Variants in STRA8 observed in about 807,000 individuals in gnomAD.
STRA8 encodes stimulated by retinoic acid 8.
A neutral mutation model predicts 37.1 loss-of-function variants in STRA8; 18 were observed. The ratio of observed to expected loss-of-function variants is 0.48; its 90% CI spans 0.34 to 0.72. The LOEUF (loss-of-function observed/expected upper bound fraction) is 0.72. Ranked by LOEUF, STRA8 falls within the 30% of genes least tolerant of loss-of-function variation. The probability of loss-of-function intolerance (pLI) is 0.01; values close to 1 mark genes in which losing one functional copy is unlikely to be tolerated. For missense variants in STRA8, 357 were observed against 410.4 expected (o/e 0.87, Z 1.13); for synonymous variants, 168 against 162.9 (o/e 1.03, Z -0.24).
Position 135,245,447 on chromosome 7 carries a change from A to AGAG in STRA8, c.525_527dup (p.Glu178dup), listed in dbSNP as rs1832535646. On this transcript the variant is annotated inframe_insertion, in exon 5 of 9. Transcript: ENST00000662584. ...AGGAGGAGGAAGAGGAGGAAGAGGA[A>AGAG]GAGGAGGAGGAGGAAGAGGAGAAAA... is the stretch of plus-strand genomic sequence containing the variant. 2.7e-6 allele frequency: 2 copies of AGAG among 744,664 alleles called. No individual in the cohort carries two copies. The highest frequency in any genetic ancestry group is 3.7e-5 in the Admixed American group (2 of 54,296). 46.1% of individuals were successfully genotyped at this position (744,664 alleles called of 1,614,324 possible). A position where few individuals can be genotyped will look rare whatever the true frequency, so the allele number is the denominator to read the frequency against.
At position 135,258,567 on chromosome 7, in the gene STRA8, T is replaced by A; in HGVS notation, c.*75T>A. The stretch of plus-strand genomic sequence containing the variant: ...CAAGGTTGAATGCTGGCAGCTAAGG[T>A]TGCACCTGCCTTGGCCTCCAGGACT... On this transcript the variant is annotated 3_prime_UTR_variant, in exon 9 of 9. Transcript: ENST00000662584. The A allele has an allele frequency of 1.5e-6, 2 of 1,320,200 alleles. 1 individual carries two copies. The highest frequency in any genetic ancestry group is 2.1e-6 in the Non-Finnish European group (2 of 942,716). The allele number at this position is 1,320,200 out of a possible 1,614,324, so 81.8% of individuals were successfully genotyped here.
At chr7:135,244,943 G>GT (rs943814021) in intron 4 of STRA8, among the ~76,000 whole-genome samples, 1 of 152,166 alleles carries the variant, frequency 6.6e-6, no homozygotes, top group Non-Finnish European at 1.5e-5. Flanking sequence ...TTAGCGGTAG[G>GT]TTTTTTGGAG....
intron 1 of STRA8, among the ~76,000 whole-genome samples, 153 bp from the exon 2 acceptor site, chr7:135,240,366 C>T (rs949381510): frequency 6.6e-6 from 1 of 152,178 alleles, no homozygotes; most frequent in African/African-American, 2.4e-5. Flanking sequence ...CACTGTAAAT[C>T]TTGCCAATAA....
At chr7:135,244,009 T>G (rs1340570209) in intron 4 of STRA8, among the ~76,000 whole-genome samples, 5 of 152,262 alleles carry the variant, frequency 3.3e-5, no homozygotes, top group African/African-American at 7.2e-5. Flanking sequence ...GAAACTGATT[T>G]GAGAAATGTA....
upstream of STRA8, among the ~76,000 whole-genome samples, chr7:135,232,649 A>C (rs1291106317): frequency 3.3e-5 from 5 of 151,476 alleles, no homozygotes. Flanking sequence ...CTAGAAGGGG[A>C]GAATGAGAAT....
At chr7:135,245,632 C>G (rs1313972154) in intron 5 of STRA8, among the ~76,000 whole-genome samples, 105 bp downstream of exon 5, 1 of 152,156 alleles carries the variant, frequency 6.6e-6, no homozygotes, top group Admixed American at 6.5e-5. Flanking sequence ...TGTGCCCCAG[C>G]TGGAGTGCAT....
chr7:135,236,855 G>A (rs1043556028), intron 1 of STRA8, among the ~76,000 whole-genome samples: 2 of 152,144 alleles, frequency 1.3e-5, no homozygotes, highest in African/African-American at 4.8e-5. Context: ...ATTCTTAGTG[G>A]TTTTAGTGTG....
chr7:135,253,433 G>C (rs1030613501), intron 7 of STRA8, among the ~76,000 whole-genome samples: 1 of 152,128 alleles, frequency 6.6e-6, no homozygotes, highest in African/African-American at 2.4e-5. Context: ...CAGCTGACCT[G>C]GAAGGAGAAG....
intron 8 of STRA8, among the ~76,000 whole-genome samples, chr7:135,258,000 T>C (rs1332302003): frequency 1.3e-5 from 2 of 152,256 alleles, no homozygotes; most frequent in African/African-American, 4.8e-5. Flanking sequence ...GTAAATAGTG[T>C]ATCCCACAGA....
intron 6 of STRA8, among the ~76,000 whole-genome samples, chr7:135,248,678 T>G (rs1832599405): frequency 6.6e-6 from 1 of 152,162 alleles, no homozygotes; most frequent in Non-Finnish European, 1.5e-5. Flanking sequence ...GTCACTGCAC[T>G]CCAGCCTGGC....
At chr7:135,233,233 T>G (rs929546560), upstream of STRA8, among the ~76,000 whole-genome samples, 1 of 152,194 alleles carries the variant, frequency 6.6e-6, no homozygotes, top group African/African-American at 2.4e-5. Flanking sequence ...CTTGATATTT[T>G]AATCTGAGCT....
chr7:135,238,025 T>C (rs1002779232), intron 1 of STRA8, among the ~76,000 whole-genome samples: 12 of 152,160 alleles, frequency 7.9e-5, no homozygotes, highest in African/African-American at 2.9e-4. Context: ...GTGCGGATCA[T>C]ACATAGCACA....
intron 1 of STRA8, among the ~76,000 whole-genome samples, chr7:135,236,659 GA>G: frequency 6.6e-6 from 1 of 152,148 alleles, no homozygotes; most frequent in Admixed American, 6.5e-5. Flanking sequence ...CCTTGAAAGA[GA>G]TTTTTGAAGG....
chr7:135,234,090 TGA>T (rs1832332304), intron 1 of STRA8, among the ~76,000 whole-genome samples, 187 bp downstream of exon 1: 13 of 149,752 alleles, frequency 8.7e-5, no homozygotes, highest in Admixed American at 4.0e-4. Context: ...ATGATGATGA[TGA>T]TGATGATGAT....
In STRA8 at chr7:135,240,606, C is replaced by T. The variant is rs769415938; in HGVS notation, c.82C>T (p.Arg28Trp). 11 of 1,614,180 alleles carry T rather than the reference C, an allele frequency of 6.8e-6. No homozygotes were observed. Among genetic ancestry groups the T allele is most frequent in the Admixed American group, 1.7e-5 (1 of 60,030 alleles). Residue 28 changes from arginine (R) to tryptophan (W), a missense_variant, in exon 2 of 9, where the codon CGG becomes TGG. By Grantham distance (101) the Arg-to-Trp change is moderately radical (BLOSUM62 -3). Coordinates refer to ENST00000662584, the MANE Select transcript of STRA8 (RefSeq NM_001394401.1). Reference protein sequence around the residue: ...LPAQLQELEHRVARRRLSQAR... With the variant: ...LPAQLQELEHWVARRRLSQAR... ...AGCACAGCTGCAGGAGCTTGAGCAT[C>T]GGGTGGCCCGGAGACGGCTGTCCCA...
chr7:135,241,378 C>T (rs1188351171), intron 2 of STRA8, among the ~76,000 whole-genome samples: 3 of 152,122 alleles, frequency 2.0e-5, no homozygotes, highest in African/African-American at 4.8e-5. Flanking sequence ...ACTCCAGCCC[C>T]CTCAAGTCTC....
At chr7:135,234,814 G>T (rs1444466843) in intron 1 of STRA8, among the ~76,000 whole-genome samples, 1 of 152,202 alleles carries the variant, frequency 6.6e-6, no homozygotes, top group Non-Finnish European at 1.5e-5. Context: ...AGACTGAAAG[G>T]TTATGTTTGG....
upstream of STRA8, among the ~76,000 whole-genome samples, chr7:135,233,443 T>C (rs542455923): frequency 6.6e-6 from 1 of 152,150 alleles, no homozygotes. Context: ...AGGACAACCC[T>C]GTAAGCTGGT....
chr7:135,251,858 A>G lies in STRA8; in HGVS notation c.942A>G (p.Thr314=), dbSNP rs759532413. 1.5e-5 allele frequency: 24 copies of G among 1,614,036 alleles called. No individual in the cohort carries two copies. The Admixed American group carries it at 2.0e-4, about 13-fold the overall frequency. Residue 314 remains threonine (T), a synonymous_variant, in exon 7 of 9, where the codon ACA becomes ACG. Transcript: ENST00000662584. ...TGGACAAAAGTGAGGTTCCGAGTAC[A>G]TCTAGCTCCAGGTGAGGAAGAGGGT... is the stretch of plus-strand genomic sequence containing the variant. ...SFLDKSEVPS[T]SSSSSVLASC...
Sources: allele counts gnomAD v4.1 joint callset (sites outside exome capture counted in the v4.1 genomes callset), GRCh38; gene constraint gnomAD v4.1.1; transcripts MANE v1.5; gene names NCBI Gene and HGNC (gene_info 2026-07-23, HGNC 2026-07-21).